ATXN1: variants seen among roughly 807,000 people sequenced by gnomAD.
ATXN1 encodes the protein ataxin-1.
In ATXN1, 8 loss-of-function variants were observed where a neutral mutation model predicts 56.4. The observed-to-expected ratio is 0.14, with a 90% CI of 0.08 to 0.26. The LOEUF (loss-of-function observed/expected upper bound fraction) is 0.26. Among genes scored for constraint, ATXN1 ranks in the 10% least tolerant of loss-of-function variants. The pLI is 1.00. For missense variants in ATXN1, 987 were observed against 1,106.5 expected (o/e 0.89, Z 1.53); for synonymous variants, 514 against 494.6 (o/e 1.04, Z -0.52).
At chr6:16,633,781 G>A (rs1561787239) in intron 3 of ATXN1, among the ~76,000 whole-genome samples, 5 of 152,204 alleles carry the variant, frequency 3.3e-5, no homozygotes, top group Admixed American at 1.3e-4. Context: ...CAATGATAGT[G>A]ACAGCTCAAG....
At chr6:16,724,515 G>C (rs1295284744) in intron 2 of ATXN1, among the ~76,000 whole-genome samples, 7 of 152,232 alleles carry the variant, frequency 4.6e-5, no homozygotes, top group African/African-American at 1.7e-4. Context: ...ACCAGGGCAA[G>C]CAACCCATGA....
At chr6:16,361,463 C>T (rs1761806761) in intron 6 of ATXN1, among the ~76,000 whole-genome samples, 1 of 152,166 alleles carries the variant, frequency 6.6e-6, no homozygotes, top group Non-Finnish European at 1.5e-5. Context: ...CTTTTATCCC[C>T]TTTTCCACAG....
chr6:16,348,768 A>AT (rs1761500976), intron 6 of ATXN1, among the ~76,000 whole-genome samples: 1 of 152,190 alleles, frequency 6.6e-6, no homozygotes, highest in South Asian at 2.1e-4. Context: ...GGGACAATTC[A>AT]GTGCCTAGCA....
At chr6:16,395,710 T>C (rs911780977) in intron 6 of ATXN1, among the ~76,000 whole-genome samples, 1 of 152,158 alleles carries the variant, frequency 6.6e-6, no homozygotes, top group Non-Finnish European at 1.5e-5. Context: ...GAGTGGACTC[T>C]TTCTACCTAT....
chr6:16,306,235 T>C lies in ATXN1; in HGVS notation c.*94A>G. 1 of 1,413,334 alleles carries C rather than the reference T, an allele frequency of 7.1e-7. No homozygotes were observed. The highest frequency in any genetic ancestry group is 9.5e-7 in the Non-Finnish European group (1 of 1,053,714). 87.5% of individuals were successfully genotyped at this position (1,413,334 alleles called of 1,614,324 possible). On this transcript the variant is annotated 3_prime_UTR_variant, in exon 8 of 8. Coordinates refer to ENST00000436367, the MANE Select transcript of ATXN1 (RefSeq NM_001128164.2). This position sits in a 1 kb window ranked among gnomAD's most constrained non-coding sequence, Gnocchi z 5.2. ...GAACAGAAACCTAAAATTAAGAAGA[T>C]AACATGTAAATACTGTGTTATTTTA...
intron 6 of ATXN1, among the ~76,000 whole-genome samples, chr6:16,426,857 T>G (rs985720698): frequency 7.1e-6 from 1 of 140,572 alleles, no homozygotes; most frequent in Non-Finnish European, 1.5e-5. Flanking sequence ...AACTATAAGA[T>G]CCAAAAACTG....
At chr6:16,498,937 C>T (rs1177095504) in intron 5 of ATXN1, among the ~76,000 whole-genome samples, 2 of 152,062 alleles carry the variant, frequency 1.3e-5, no homozygotes, top group African/African-American at 4.8e-5. Flanking sequence ...ATATTTTCTC[C>T]CATTCTGTGG....
At chr6:16,666,365 T>C (rs1431047938) in intron 2 of ATXN1, among the ~76,000 whole-genome samples, 1 of 152,244 alleles carries the variant, frequency 6.6e-6, no homozygotes, top group African/African-American at 2.4e-5. Context: ...ATGTACCTTA[T>C]TTTCTTTATC....
At chr6:16,433,465 G>C (rs1239996824) in intron 6 of ATXN1, among the ~76,000 whole-genome samples, 2 of 152,168 alleles carry the variant, frequency 1.3e-5, no homozygotes, top group African/African-American at 2.4e-5. Context: ...GGAGATTTTA[G>C]AGGTGGGCAA....
chr6:16,718,689 A>T (rs1329550291), intron 2 of ATXN1, among the ~76,000 whole-genome samples: 1 of 152,242 alleles, frequency 6.6e-6, no homozygotes, highest in Non-Finnish European at 1.5e-5. Context: ...TGAACTGCCA[A>T]GAGTTTTAAC....
At position 16,303,148 on chromosome 6, in the gene ATXN1, G is replaced by A. The variant is rs1017874983; in HGVS notation, c.*3181C>T. The A allele has an allele frequency of 6.5e-6, 1 of 152,948 alleles. No individual in the cohort carries two copies. The highest frequency in any genetic ancestry group is 2.4e-5 in the African/African-American group (1 of 41,478). 9.5% of individuals were successfully genotyped at this position (152,948 alleles called of 1,614,324 possible). ...AAGTCTCAAGGACACAGACCCCGAG[G>A]AGGGGCCTGCCCACTTGCAGAAAAG... On this transcript the variant is annotated 3_prime_UTR_variant, in exon 8 of 8. Transcript: ENST00000436367. The surrounding 1 kb of genome is among the most constrained non-coding windows in gnomAD (Gnocchi z 4.3).
At chr6:16,430,331 A>G (rs1381924365) in intron 6 of ATXN1, among the ~76,000 whole-genome samples, 1 of 84,274 alleles carries the variant, frequency 1.2e-5, no homozygotes, top group African/African-American at 6.5e-5. Context: ...GGAAGGAAGG[A>G]TAGGAAAAAA....
At chr6:16,480,007 C>G (rs555640676) in intron 6 of ATXN1, among the ~76,000 whole-genome samples, 1 of 151,932 alleles carries the variant, frequency 6.6e-6, no homozygotes, top group East Asian at 1.9e-4. Flanking sequence ...CAAAAATTAG[C>G]CGGGCATTGT....
At chr6:16,372,958 CAAACAAACAAAT>C (rs1427067180) in intron 6 of ATXN1, among the ~76,000 whole-genome samples, 1 of 90,246 alleles carries the variant, frequency 1.1e-5, no homozygotes, top group East Asian at 2.7e-4. Flanking sequence ...AACAAACAAA[CAAACAAACAAAT>C]AAATGAACCT....
chr6:16,752,850 G>A (rs974719068), intron 2 of ATXN1: 1 of 171,782 alleles, frequency 5.8e-6, no homozygotes, highest in Non-Finnish European at 1.3e-5. Context: ...GTTTTGCTAC[G>A]CACATATTAT....
intron 4 of ATXN1, among the ~76,000 whole-genome samples, chr6:16,565,044 G>A (rs530870779): frequency 1.3e-5 from 2 of 152,314 alleles, no homozygotes; most frequent in African/African-American, 4.8e-5. Context: ...GTGGATGCCA[G>A]AGGAGGTTAT....
At chr6:16,709,825 T>C (rs942699485) in intron 2 of ATXN1, among the ~76,000 whole-genome samples, 13 of 152,166 alleles carry the variant, frequency 8.5e-5, no homozygotes, top group African/African-American at 3.1e-4. Flanking sequence ...AATAAAATGT[T>C]AGCCAAAATA....
chr6:16,740,520 G>A (rs979842011), intron 2 of ATXN1, among the ~76,000 whole-genome samples: 1 of 152,032 alleles, frequency 6.6e-6, no homozygotes, highest in Non-Finnish European at 1.5e-5. Context: ...TTCCATATAT[G>A]AGATCAATTT....
In ATXN1 at chr6:16,586,434, C is replaced by T. The variant is rs367634666; in HGVS notation, c.-488-527G>A. ...CTCTTTGTTAATAACTCAGTTAAGACATGATGTCAGTGATGGCCAAGGTCA... is the reference window on the plus strand; with the variant it reads ...CTCTTTGTTAATAACTCAGTTAAGATATGATGTCAGTGATGGCCAAGGTCA... On this transcript the variant is annotated intron_variant, in intron 3 of 7. Coordinates refer to ENST00000436367, the MANE Select transcript of ATXN1 (RefSeq NM_001128164.2). Among the ~76,000 whole-genome samples the T allele has an allele frequency of 4.6e-5, 7 of 152,296 alleles. No individual in the cohort carries two copies. In the East Asian group the frequency reaches 9.6e-4, roughly 21 times the overall value.
Sources: gnomAD v4.1 joint callset for allele counts (sites outside exome capture counted in the v4.1 genomes callset) on GRCh38, gnomAD v4.1.1 for gene constraint, Gnocchi (gnomAD v3.1) non-coding constraint, MANE v1.5 for transcripts, NCBI Gene and HGNC (gene_info 2026-07-23, HGNC 2026-07-21) for gene names.